Variants in COL1A2 observed in about 807,000 individuals in gnomAD.
COL1A2 encodes collagen type I alpha 2 chain, also known as collagen alpha-2(I) chain.
COL1A2 carries 49 observed loss-of-function variants against 174.3 expected under a neutral mutation model. The ratio of observed to expected loss-of-function variants is 0.28; its 90% CI spans 0.22 to 0.36. The LOEUF is 0.36. Ranked by LOEUF, COL1A2 falls within the 10% of genes least tolerant of loss-of-function variation. The pLI, the probability that COL1A2 is intolerant of heterozygous loss-of-function variation, is 1.00. For missense variants in COL1A2, 1,438 were observed against 1,822.7 expected (o/e 0.79, Z 3.84); for synonymous variants, 655 against 606.6 (o/e 1.08, Z -1.17).
At chr7:94,398,642 A>T (rs1331991789) in intron 3 of COL1A2, among the ~76,000 whole-genome samples, 1 of 152,068 alleles carries the variant, frequency 6.6e-6, no homozygotes, top group East Asian at 1.9e-4. Flanking sequence ...AAAGGAAAAA[A>T]AAAGACTTGT....
At chr7:94,413,991 A>G (rs1244019937) in intron 28 of COL1A2, 44 bp downstream of exon 28, 14 of 1,549,234 alleles carry the variant, frequency 9.0e-6, no homozygotes, top group South Asian at 1.1e-5. Flanking sequence ...TGGTCAGCCT[A>G]TTGAGCTGTA....
At chr7:94,414,161 T>A in intron 28 of COL1A2, 61 bp from the exon 29 acceptor site, 2 of 1,574,394 alleles carry the variant, frequency 1.3e-6, no homozygotes, top group South Asian at 1.1e-5. Context: ...CAAACTCAAT[T>A]ATTAGCAAAT....
intron 4 of COL1A2, 47 bp downstream of exon 4, chr7:94,399,131 A>C (rs1428723301): frequency 6.4e-7 from 1 of 1,558,258 alleles, no homozygotes; most frequent in African/African-American, 1.4e-5. Flanking sequence ...TATTTGAATA[A>C]CTATATGTTA....
At chr7:94,422,772 G>A in intron 39 of COL1A2, 185 bp from the exon 40 acceptor site, 2 of 723,376 alleles carry the variant, frequency 2.8e-6, no homozygotes, top group Non-Finnish European at 4.6e-6. Context: ...CCTCATAAAG[G>A]AAGACAGGAG....
At position 94,429,176 on chromosome 7, in the gene COL1A2, T is replaced by C. The variant is rs779990165; in HGVS notation, c.3712-12T>C. ...TCTCCACTTAACTGGAATTTCATCC[T>C]ATTTTCTGTAGTTTGAATATAATGT... On this transcript the variant is annotated splice_polypyrimidine_tract_variant and intron_variant, in intron 50 of 51. Coordinates refer to ENST00000297268, the MANE Select transcript of COL1A2 (RefSeq NM_000089.4). 6 of 1,607,144 alleles carry C rather than the reference T, an allele frequency of 3.7e-6. No individual in the cohort carries two copies. Among genetic ancestry groups the C allele is most frequent in the Non-Finnish European group, 5.1e-6 (6 of 1,175,276 alleles).
chr7:94,415,217 T>G lies in COL1A2; in HGVS notation c.1720-9T>G. 1 of 1,612,948 alleles carries G rather than the reference T, an allele frequency of 6.2e-7. No homozygotes were observed. The highest frequency in any genetic ancestry group is 8.5e-7 in the Non-Finnish European group (1 of 1,178,900). On this transcript the variant is annotated splice_polypyrimidine_tract_variant and intron_variant, in intron 29 of 51. Transcript: ENST00000297268. Reference sequence around the variant, plus strand: ...CAGATTTCATGCTTTATTCTCATGTTTTGTCTAGGGTCTCCATGGTGAGTT... The same window carrying G: ...CAGATTTCATGCTTTATTCTCATGTGTTGTCTAGGGTCTCCATGGTGAGTT...
At chr7:94,421,817 T>C in intron 38 of COL1A2, 82 bp from the exon 39 acceptor site, 2 of 1,234,208 alleles carry the variant, frequency 1.6e-6, no homozygotes, top group Non-Finnish European at 2.4e-6. Flanking sequence ...TGTACTGATT[T>C]TCCAAAACAA....
At chr7:94,423,258 TC>T in intron 40 of COL1A2, 140 bp downstream of exon 40, 2 of 998,570 alleles carry the variant, frequency 2.0e-6, no homozygotes, top group Non-Finnish European at 3.1e-6. Flanking sequence ...AGGAAATCTG[TC>T]CAGCACACAC....
chr7:94,428,909 T>C (rs1792341442), intron 50 of COL1A2, among the ~76,000 whole-genome samples: 1 of 152,228 alleles, frequency 6.6e-6, no homozygotes, highest in Admixed American at 6.5e-5. Flanking sequence ...CTCCTCATTC[T>C]CTTATTCTAA....
chr7:94,414,151 C>T, intron 28 of COL1A2, 71 bp from the exon 29 acceptor site: 1 of 1,546,660 alleles, frequency 6.5e-7, no homozygotes, highest in East Asian at 2.2e-5. Flanking sequence ...CCACCACCCC[C>T]AAACTCAATT....
chr7:94,424,840 A>G, intron 41 of COL1A2: 2 of 503,210 alleles, frequency 4.0e-6, no homozygotes, highest in Non-Finnish European at 7.2e-6. Context: ...CATAAAATAT[A>G]TCAACTTTTT....
Position 94,404,831 on chromosome 7 carries a change from T to C in COL1A2, c.379-8T>C, listed in dbSNP as rs1229216620. On this transcript the variant is annotated splice_polypyrimidine_tract_variant and splice_region_variant and intron_variant, in intron 8 of 51. Transcript: ENST00000297268. ...CTTAGTGAAATGATGGGTCTCCCAT[T>C]TTCTTAGGGTCCTGCAGGTGCTCGT... 1 of 1,614,134 alleles carries C rather than the reference T, an allele frequency of 6.2e-7. No homozygotes were observed. Among genetic ancestry groups the C allele is most frequent in the Non-Finnish European group, 8.5e-7 (1 of 1,180,002 alleles).
intron 4 of COL1A2, among the ~76,000 whole-genome samples, chr7:94,399,860 C>T (rs771258619): frequency 4.6e-5 from 7 of 152,066 alleles, no homozygotes; most frequent in African/African-American, 1.4e-4. Flanking sequence ...AATAAAAATA[C>T]GATGTAAGTC....
chr7:94,404,743 A>G lies in COL1A2; in HGVS notation c.375A>G (p.Gln125=), dbSNP rs141344424. ...CTGGTGAGCCTGGTGAACCTGGTCAAACTGTGAGTACATTTTTCCACCTTT... is the reference window on the plus strand; with the variant it reads ...CTGGTGAGCCTGGTGAACCTGGTCAGACTGTGAGTACATTTTTCCACCTTT... ...GPAGEPGEPG[Q]TGPAGARGPA... Residue 125 remains glutamine, a synonymous_variant, in exon 8 of 52, where the codon CAA becomes CAG. Coordinates refer to ENST00000297268, the MANE Select transcript of COL1A2 (RefSeq NM_000089.4). 1.9e-6 allele frequency: 3 copies of G among 1,614,190 alleles called. No individual in the cohort carries two copies. Among genetic ancestry groups the G allele is most frequent in the East Asian group, 4.5e-5 (2 of 44,884 alleles).
At chr7:94,419,985 C>T (rs990761639) in intron 34 of COL1A2, among the ~76,000 whole-genome samples, 1 of 152,184 alleles carries the variant, frequency 6.6e-6, no homozygotes, top group African/African-American at 2.4e-5. Context: ...ATTAAAATGT[C>T]CTCCTCCTGG....
At chr7:94,400,686 G>A (rs546031333) in intron 5 of COL1A2, among the ~76,000 whole-genome samples, 4 of 152,166 alleles carry the variant, frequency 2.6e-5, no homozygotes, top group African/African-American at 9.7e-5. Context: ...CTTGAAGTCT[G>A]CTGAACCAAC....
intron 11 of COL1A2, among the ~76,000 whole-genome samples, chr7:94,406,030 AAC>A (rs1431702267): frequency 2.0e-5 from 3 of 152,212 alleles, no homozygotes; most frequent in African/African-American, 7.2e-5. Flanking sequence ...GATGTGAGAG[AAC>A]ACCTAGTCCT....
At chr7:94,396,928 A>G (rs1791596389) in intron 1 of COL1A2, among the ~76,000 whole-genome samples, 1 of 152,152 alleles carries the variant, frequency 6.6e-6, no homozygotes, top group African/African-American at 2.4e-5. Flanking sequence ...TAATTTTTGT[A>G]CCGTAGGAGA....
In COL1A2 at chr7:94,414,251, T is replaced by G. The variant is rs1237817639; in HGVS notation, c.1695T>G (p.Gly565=). The G allele has an allele frequency of 6.2e-7, 1 of 1,614,170 alleles. No individual in the cohort carries two copies. Among genetic ancestry groups the G allele is most frequent in the African/African-American group, 1.3e-5 (1 of 75,054 alleles). ...QGLPGPSGPA[G]EVGKPGERGL... ...TGCCTGGCCCCTCAGGTCCCGCTGG[T>G]GAAGTTGGCAAACCAGGAGAAAGGG... The change falls in exon 29 of 52, where the codon GGT becomes GGG. Residue 565 remains glycine (G), a synonymous_variant. Transcript: ENST00000297268.
Sources: gnomAD v4.1 joint callset for allele counts (sites outside exome capture counted in the v4.1 genomes callset) on GRCh38, gnomAD v4.1.1 for gene constraint, MANE v1.5 for transcripts, NCBI Gene and HGNC (gene_info 2026-07-23, HGNC 2026-07-21) for gene names.